The following GPR3 variants were observed in gnomAD, a reference collection of about 807,000 sequenced individuals.
GPR3 encodes ACCA orphan receptor.
Under a neutral mutation model 18.2 loss-of-function variants are expected in GPR3, and 16 were observed. That is an observed-to-expected ratio of 0.88 (90% CI 0.60 to 1.34). GPR3 has a LOEUF of 1.34. Ranked by LOEUF, GPR3 falls within the 40% of genes most tolerant of loss-of-function variation. The pLI, the probability that GPR3 is intolerant of heterozygous loss-of-function variation, is 0.00. For synonymous variants in GPR3, 183 were observed against 188.9 expected (o/e 0.97, Z 0.26); for missense variants, 326 against 427.6 (o/e 0.76, Z 2.10).
rs1314628445 is a variant in GPR3 at position 27,394,681 on chromosome 1, A to G, written c.883A>G (p.Ile295Val). 6.2e-7 allele frequency: 1 copy of G among 1,613,994 alleles called. No individual in the cohort carries two copies. The highest frequency in any genetic ancestry group is 8.5e-7 in the Non-Finnish European group (1 of 1,179,992). The stretch of plus-strand genomic sequence containing the variant: ...CACCTACAACTCCATGATCAACCCT[A>G]TCATCTACGCCTTCCGCAACCAGGA... ...PATYNSMINP[I>V]IYAFRNQDVQ... The change falls in exon 2 of 2, where the codon ATC (isoleucine) becomes GTC (valine). Residue 295 changes from isoleucine (I) to valine (V), a missense_variant. Ile to Val is a conservative substitution (Grantham distance 29). Transcript: ENST00000374024.
At position 27,394,853 on chromosome 1, in the gene GPR3, G is replaced by A. The variant is rs2016528765; in HGVS notation, c.*62G>A. 1 of 1,554,716 alleles carries A rather than the reference G, an allele frequency of 6.4e-7. No individual in the cohort carries two copies. On this transcript the variant is annotated 3_prime_UTR_variant, in exon 2 of 2. Coordinates refer to ENST00000374024, the MANE Select transcript of GPR3 (RefSeq NM_005281.4). ...GAATTCCAGAATGTTAGGCTCTCCA[G>A]GGCTTCTTTCCAAACCCCCAGCTCC... is the stretch of plus-strand genomic sequence containing the variant.
In GPR3 at chr1:27,392,717, G is replaced by A. The variant is rs2016500231; in HGVS notation, c.-26G>A. 1.3e-5 allele frequency: 2 copies of A among 152,074 alleles called. No homozygotes were observed. Among genetic ancestry groups the A allele is most frequent in the African/African-American group, 4.8e-5 (2 of 41,432 alleles). The allele number at this position is 152,074 out of a possible 1,614,324, so 9.4% of individuals were successfully genotyped here. On this transcript the variant is annotated 5_prime_UTR_variant, in exon 1 of 2. Transcript: ENST00000374024. ...CCCGAGCGGAGCCTCCCCGCGGCCC[G>A]GCCGCGCCTGGTCCTGAGCGGTGAG...
chr1:27,394,840 G>A lies in GPR3; in HGVS notation c.*49G>A, dbSNP rs1176823454. ...CCTGATTACTACAGAATTCCAGAAT[G>A]TTAGGCTCTCCAGGGCTTCTTTCCA... On this transcript the variant is annotated 3_prime_UTR_variant, in exon 2 of 2. Coordinates refer to ENST00000374024, the MANE Select transcript of GPR3 (RefSeq NM_005281.4). The A allele has an allele frequency of 1.3e-6, 2 of 1,576,692 alleles. No individual in the cohort carries two copies. The highest frequency in any genetic ancestry group is 1.7e-6 in the Non-Finnish European group (2 of 1,157,900).
At position 27,395,519 on chromosome 1, in the gene GPR3, A is replaced by G. The variant is rs1307240610; in HGVS notation, c.*728A>G. On this transcript the variant is annotated 3_prime_UTR_variant, in exon 2 of 2. Transcript: ENST00000374024. ...TGGTTTTTTATTTTTTTAAGAAGCCATCACCTGAGCAACCAAAAATTCCTC... is the reference window on the plus strand; with the variant it reads ...TGGTTTTTTATTTTTTTAAGAAGCCGTCACCTGAGCAACCAAAAATTCCTC... The G allele has an allele frequency of 6.0e-6, 1 of 167,124 alleles. No individual in the cohort carries two copies. The highest frequency in any genetic ancestry group is 2.4e-5 in the African/African-American group (1 of 41,464). The allele number at this position is 167,124 out of a possible 1,614,324, so 10.4% of individuals were successfully genotyped here.
chr1:27,393,280 C>T (rs2016507537), intron 1 of GPR3, among the ~76,000 whole-genome samples: 1 of 152,048 alleles, frequency 6.6e-6, no homozygotes, highest in Non-Finnish European at 1.5e-5. Context: ...GGGGTGATGG[C>T]TGGCGGGAGC....
chr1:27,394,006 G>A lies in GPR3; in HGVS notation c.208G>A (p.Ala70Thr). The A allele has an allele frequency of 2.5e-6, 4 of 1,611,730 alleles. No individual in the cohort carries two copies. Among genetic ancestry groups the A allele is most frequent in the Non-Finnish European group, 3.4e-6 (4 of 1,179,808 alleles). ...GGTGGCCATCATCGTGGGCACTCCT[G>A]CCTTCCGTGCCCCCATGTTCCTGCT... ...LVVAIIVGTP[A>T]FRAPMFLLVG... Residue 70 changes from alanine (A) to threonine (T), a missense_variant, in exon 2 of 2, where the codon GCC becomes ACC. By Grantham distance (58) the Ala-to-Thr change is moderately conservative (BLOSUM62 0). Coordinates refer to ENST00000374024, the MANE Select transcript of GPR3 (RefSeq NM_005281.4).
In GPR3 at chr1:27,394,183, G is replaced by T. The variant is rs2016518265; in HGVS notation, c.385G>T (p.Ala129Ser). 2 of 1,613,778 alleles carry T rather than the reference G, an allele frequency of 1.2e-6. No homozygotes were observed. Residue 129 changes from alanine (A) to serine (S), a missense_variant, in exon 2 of 2, where the codon GCC becomes TCC. Ala to Ser is a moderately conservative substitution (Grantham distance 99). Coordinates refer to ENST00000374024, the MANE Select transcript of GPR3 (RefSeq NM_005281.4). ...TACCGCCAGCATCGGCAGTCTACTG[G>T]CCATCACTGTCGACCGCTACCTTTC... ...AFTASIGSLL[A>S]ITVDRYLSLY...
chr1:27,394,494 C>T lies in GPR3; in HGVS notation c.696C>T (p.His232=), dbSNP rs766195067. ...CCCAGCAGATTGCCCTTCAGCGGCACCTGCTGCCTGCCTCCCACTATGTGG... is the reference window on the plus strand; with the variant it reads ...CCCAGCAGATTGCCCTTCAGCGGCATCTGCTGCCTGCCTCCCACTATGTGG... ...RHAQQIALQR[H]LLPASHYVAT... is the part of the protein sequence containing the mutation. Residue 232 remains histidine (H), a synonymous_variant, in exon 2 of 2, where the codon CAC becomes CAT. Coordinates refer to ENST00000374024, the MANE Select transcript of GPR3 (RefSeq NM_005281.4). The T allele has an allele frequency of 6.2e-7, 1 of 1,614,184 alleles. No homozygotes were observed. The highest frequency in any genetic ancestry group is 8.5e-7 in the Non-Finnish European group (1 of 1,180,042).
Position 27,393,794 on chromosome 1 carries a change from G to C in GPR3, c.-5G>C, listed in dbSNP as rs2016512197. 2 of 1,528,032 alleles carry C rather than the reference G, an allele frequency of 1.3e-6. No homozygotes were observed. Among genetic ancestry groups the C allele is most frequent in the Non-Finnish European group, 1.8e-6 (2 of 1,137,042 alleles). 94.7% of individuals were successfully genotyped at this position (1,528,032 alleles called of 1,614,324 possible). ...TTCTCACAAGGCCTTTCTCCTGCAG[G>C]TACCATGATGTGGGGTGCAGGCAGC... On this transcript the variant is annotated splice_region_variant and 5_prime_UTR_variant, in exon 2 of 2. Coordinates refer to ENST00000374024, the MANE Select transcript of GPR3 (RefSeq NM_005281.4).
rs753844848 is a variant in GPR3 at position 27,393,954 on chromosome 1, C to A, written c.156C>A (p.Thr52=). The change falls in exon 2 of 2, where the codon ACC becomes ACA. Residue 52 remains threonine (T), a synonymous_variant. Coordinates refer to ENST00000374024, the MANE Select transcript of GPR3 (RefSeq NM_005281.4). The part of the protein sequence containing the change: ...AWDVVLCISG[T]LVSCENALVV... ...ATGTGGTGCTCTGCATCTCAGGCAC[C>A]CTGGTGTCCTGCGAGAATGCGCTAG... 1.2e-5 allele frequency: 20 copies of A among 1,611,534 alleles called. No homozygotes were observed. The South Asian group carries it at 2.1e-4, about 17-fold the overall frequency.
chr1:27,393,442 C>T lies in GPR3; in HGVS notation c.-5-352C>T, dbSNP rs78881500. Among the ~76,000 whole-genome samples the T allele has an allele frequency of 3.7e-3, 558 of 152,248 alleles. 5 individuals are homozygous for T. Among genetic ancestry groups the T allele is most frequent in the African/African-American group, 0.013 (528 of 41,524 alleles). On this transcript the variant is annotated intron_variant, in intron 1 of 1. Coordinates refer to ENST00000374024, the MANE Select transcript of GPR3 (RefSeq NM_005281.4). ...CCTGATGGGGTAGATGTTTCCCTAC[C>T]CCAATCTTGAGCCTTCGGGGGCATC... is the stretch of plus-strand genomic sequence containing the variant.
rs767270424 is a variant in GPR3 at position 27,394,690 on chromosome 1, G to A, written c.892G>A (p.Ala298Thr). Residue 298 changes from alanine (A) to threonine (T), a missense_variant, in exon 2 of 2, where the codon GCC (alanine) becomes ACC (threonine). Transcript: ENST00000374024. ...YNSMINPIIYAFRNQDVQKVL... is the reference protein window; with the variant it reads ...YNSMINPIIYTFRNQDVQKVL... ...CTCCATGATCAACCCTATCATCTACGCCTTCCGCAACCAGGATGTGCAGAA... is the reference window on the plus strand; with the variant it reads ...CTCCATGATCAACCCTATCATCTACACCTTCCGCAACCAGGATGTGCAGAA... 18 of 1,613,954 alleles carry A rather than the reference G, an allele frequency of 1.1e-5. No homozygotes were observed. Among genetic ancestry groups the A allele is most frequent in the East Asian group, 4.5e-5 (2 of 44,896 alleles).
rs777532303 is a variant in GPR3 at position 27,393,993 on chromosome 1, C to T, written c.195C>T (p.Ile65=). ...AGAATGCGCTAGTGGTGGCCATCAT[C>T]GTGGGCACTCCTGCCTTCCGTGCCC... ...SCENALVVAI[I]VGTPAFRAPM... is the part of the protein sequence containing the mutation. Residue 65 remains isoleucine, a synonymous_variant, in exon 2 of 2, where the codon ATC becomes ATT. Transcript: ENST00000374024. 2.5e-6 allele frequency: 4 copies of T among 1,611,794 alleles called. No homozygotes were observed. Among genetic ancestry groups the T allele is most frequent in the Non-Finnish European group, 3.4e-6 (4 of 1,179,590 alleles).
At position 27,394,813 on chromosome 1, in the gene GPR3, A is replaced by G. The variant is rs1206457344; in HGVS notation, c.*22A>G. 1 of 1,602,970 alleles carries G rather than the reference A, an allele frequency of 6.2e-7. No homozygotes were observed. Among genetic ancestry groups the G allele is most frequent in the Non-Finnish European group, 8.5e-7 (1 of 1,173,260 alleles). On this transcript the variant is annotated 3_prime_UTR_variant, in exon 2 of 2. Transcript: ENST00000374024. ...CTAGCTGAGTCTTCATGACCCTTCAACCCTGATTACTACAGAATTCCAGAA... is the reference window on the plus strand; with the variant it reads ...CTAGCTGAGTCTTCATGACCCTTCAGCCCTGATTACTACAGAATTCCAGAA...
At position 27,394,253 on chromosome 1, in the gene GPR3, G is replaced by A. The variant is rs748522483; in HGVS notation, c.455G>A (p.Arg152Gln). ...LTYYSETTVTRTYVMLALVWG... is the reference protein window; with the variant it reads ...LTYYSETTVTQTYVMLALVWG... ...TACTATTCAGAGACAACAGTGACAC[G>A]GACCTATGTGATGCTGGCCTTAGTG... The change falls in exon 2 of 2, where the codon CGG (arginine) becomes CAG (glutamine). Residue 152 changes from arginine to glutamine, a missense_variant. Physicochemically the swap from Arg to Gln is conservative, Grantham distance 43 (BLOSUM62 1). Transcript: ENST00000374024. 7.4e-6 allele frequency: 12 copies of A among 1,613,246 alleles called. No homozygotes were observed. The highest frequency in any genetic ancestry group is 2.2e-5 in the East Asian group (1 of 44,904).
At chr1:27,393,654 T>G in intron 1 of GPR3, 140 bp from the exon 2 acceptor site, 1 of 724,488 alleles carries the variant, frequency 1.4e-6, no homozygotes. Flanking sequence ...GGCATGAATG[T>G]GGGGATAAGG....
chr1:27,394,283 G>A lies in GPR3; in HGVS notation c.485G>A (p.Gly162Glu). ...RTYVMLALVW[G>E]GALGLGLLPV... ...TATGTGATGCTGGCCTTAGTGTGGGGAGGTGCCCTGGGCCTGGGGCTGCTG... is the reference window on the plus strand; with the variant it reads ...TATGTGATGCTGGCCTTAGTGTGGGAAGGTGCCCTGGGCCTGGGGCTGCTG... The change falls in exon 2 of 2, where the codon GGA (glycine) becomes GAA (glutamate). Residue 162 changes from glycine to glutamate, a missense_variant. Physicochemically the swap from Gly to Glu is moderately conservative, Grantham distance 98 (BLOSUM62 -2). Transcript: ENST00000374024. The A allele has an allele frequency of 6.2e-7, 1 of 1,613,082 alleles. No homozygotes were observed. Among genetic ancestry groups the A allele is most frequent in the Non-Finnish European group, 8.5e-7 (1 of 1,180,020 alleles).
rs951144840 is a variant in GPR3 at position 27,394,970 on chromosome 1, C to T, written c.*179C>T. Reference sequence around the variant, plus strand: ...CCCTATGGGGGCCCAGCTGGCTCCACGGTTCCAGAATGTTCAGGTGGTCAG... The same window carrying T: ...CCCTATGGGGGCCCAGCTGGCTCCATGGTTCCAGAATGTTCAGGTGGTCAG... On this transcript the variant is annotated 3_prime_UTR_variant, in exon 2 of 2. Coordinates refer to ENST00000374024, the MANE Select transcript of GPR3 (RefSeq NM_005281.4). 1.9e-5 allele frequency: 12 copies of T among 646,498 alleles called. No individual in the cohort carries two copies. The highest frequency in any genetic ancestry group is 3.2e-5 in the Non-Finnish European group (12 of 369,332). The allele number at this position is 646,498 out of a possible 1,614,324, so 40.0% of individuals were successfully genotyped here.
Position 27,393,889 on chromosome 1 carries a change from A to T in GPR3, c.91A>T (p.Thr31Ser), listed in dbSNP as rs753956927. The change falls in exon 2 of 2, where the codon ACA becomes TCA. Residue 31 changes from threonine (T) to serine (S), a missense_variant. Coordinates refer to ENST00000374024, the MANE Select transcript of GPR3 (RefSeq NM_005281.4). ...CAGCGTGGGCCCAGCAGAGGGGCCC[A>T]CAGGTCCAGCCGCACCACTGCCCTC... ...VSSVGPAEGP[T>S]GPAAPLPSPK... The T allele has an allele frequency of 6.2e-7, 1 of 1,607,724 alleles. No homozygotes were observed. Among genetic ancestry groups the T allele is most frequent in the Non-Finnish European group, 8.5e-7 (1 of 1,176,854 alleles).
Sources: gnomAD v4.1 joint callset for allele counts (sites outside exome capture counted in the v4.1 genomes callset) on GRCh38, gnomAD v4.1.1 for gene constraint, MANE v1.5 for transcripts, NCBI Gene and HGNC (gene_info 2026-07-23, HGNC 2026-07-21) for gene names.